The following PRKCH variants were observed in gnomAD, a reference collection of about 807,000 sequenced individuals.
PRKCH encodes protein kinase C eta.
PRKCH carries 28 observed loss-of-function variants against 82.5 expected under a neutral mutation model. The ratio of observed to expected loss-of-function variants is 0.34; its 90% CI spans 0.25 to 0.47. The LOEUF (loss-of-function observed/expected upper bound fraction) is 0.47, where lower values mean the gene tolerates loss of function less well. Among genes scored for constraint, PRKCH ranks in the 20% least tolerant of loss-of-function variants. PRKCH has a pLI of 1.00. For missense variants in PRKCH, 705 were observed against 881.8 expected, an observed-to-expected ratio of 0.80 and a Z score of 2.54; for synonymous variants, 322 against 327.4, an observed-to-expected ratio of 0.98 and a Z score of 0.18.
In PRKCH at chr14:61,280,682, C is replaced by T; in HGVS notation, c.-19+93014C>T. The T allele has an allele frequency of 6.3e-7, 1 of 1,575,118 alleles. No homozygotes were observed. On this transcript the variant is annotated intron_variant, in intron 1 of 3. Transcript: ENST00000555185. This position sits in a 1 kb window ranked among gnomAD's most constrained non-coding sequence, Gnocchi z 5.0. ...GCGCCGCAGGGCGCGATGGGCAGGC[C>T]GGCCGCGCTGCGCTGGTAGGGGGCG...
chr14:61,272,692 G>T (rs1181373239), intron 1 of PRKCH, among the ~76,000 whole-genome samples: 1 of 152,138 alleles, frequency 6.6e-6, no homozygotes, highest in African/African-American at 2.4e-5. Flanking sequence ...GCATCTTAAG[G>T]CTAAAAATGG....
rs550335083 is a variant in PRKCH, at chr14:61,330,548, G to A, written c.363+8084G>A. Among the ~76,000 whole-genome samples the A allele has an allele frequency of 1.8e-3, 268 of 152,316 alleles. 1 individual carries two copies. Among genetic ancestry groups the A allele is most frequent in the Non-Finnish European group, 3.3e-3 (224 of 68,036 alleles). ...TTGTATAGATCATAAAATAATCATA[G>A]ATGTTGAAGCAGGATGATCATCTAA... is the stretch of plus-strand genomic sequence containing the variant. On this transcript the variant is annotated intron_variant, in intron 1 of 13. Transcript: ENST00000332981.
chr14:61,407,393 A>C (rs1267083082), intron 2 of PRKCH, among the ~76,000 whole-genome samples: 1 of 152,188 alleles, frequency 6.6e-6, no homozygotes, highest in Non-Finnish European at 1.5e-5. Context: ...GAACATAACA[A>C]TGCTTGGAGG....
intron 10 of PRKCH, among the ~76,000 whole-genome samples, chr14:61,516,124 C>T (rs2042825630): frequency 6.6e-6 from 1 of 152,084 alleles, no homozygotes; most frequent in South Asian, 2.1e-4. Flanking sequence ...ATCAGACAGA[C>T]AGATGAGATG....
At chr14:61,437,474 T>C (rs1303311366) in intron 2 of PRKCH, among the ~76,000 whole-genome samples, 2 of 152,238 alleles carry the variant, frequency 1.3e-5, no homozygotes, top group Admixed American at 1.3e-4. Context: ...AAACAAATTA[T>C]CTCAGGAAGA....
chr14:61,494,182 G>A (rs1171190810), intron 10 of PRKCH, among the ~76,000 whole-genome samples: 1 of 152,154 alleles, frequency 6.6e-6, no homozygotes, highest in African/African-American at 2.4e-5. Context: ...ATAGCTATTA[G>A]TTGAGACCAC....
chr14:61,322,507 C>T lies in PRKCH; in HGVS notation c.363+43C>T, dbSNP rs757797196. On this transcript the variant is annotated intron_variant, in intron 1 of 13. Coordinates refer to ENST00000332981, the MANE Select transcript of PRKCH (RefSeq NM_006255.5). ...CTTCCCTTTGTGTCCACCCAACCCC[C>T]GTTCCCCTTATGTTTTTCAAAACTC... 5.1e-6 allele frequency: 8 copies of T among 1,557,952 alleles called. No individual in the cohort carries two copies. The East Asian group carries it at 1.6e-4, about 31-fold the overall frequency.
intron 12 of PRKCH, among the ~76,000 whole-genome samples, chr14:61,546,187 A>G (rs2043255490): frequency 2.0e-5 from 3 of 152,216 alleles, no homozygotes; most frequent in African/African-American, 7.2e-5. Context: ...TTACTTAGTG[A>G]GAGCCCAAGC....
chr14:61,334,579 C>T (rs2045829940), intron 1 of PRKCH, among the ~76,000 whole-genome samples: 1 of 152,046 alleles, frequency 6.6e-6, no homozygotes, highest in Non-Finnish European at 1.5e-5. Context: ...AAAGGCCCTA[C>T]CGTGAGAACA....
At position 61,203,327 on chromosome 14, in the gene PRKCH, G is replaced by A. The variant is rs148569931; in HGVS notation, c.-19+15659G>A. ...AAACCAGATATCCCAGGGAAGGGGT[G>A]GGGGACGTTAGGTCCCCAGTGGTCT... On this transcript the variant is annotated intron_variant, in intron 1 of 3. Transcript: ENST00000555185. Among the ~76,000 whole-genome samples the A allele has an allele frequency of 5.0e-3, 760 of 152,198 alleles. 15 individuals are homozygous for A. The highest frequency in any genetic ancestry group is 0.017 in the African/African-American group (705 of 41,500).
chr14:61,211,276 G>A (rs10444725), intron 1 of PRKCH, among the ~76,000 whole-genome samples: 94,252 of 152,048 alleles, frequency 0.62, 29,547 homozygotes, highest in South Asian at 0.69. Flanking sequence ...CAGTGACAGC[G>A]TGCACAGTGC....
intron 2 of PRKCH, among the ~76,000 whole-genome samples, chr14:61,440,219 C>T (rs939576480): frequency 3.3e-5 from 5 of 152,178 alleles, no homozygotes; most frequent in African/African-American, 4.8e-5. Flanking sequence ...TAAATGACTT[C>T]TAGAAGTATC....
chr14:61,479,236 A>C lies in PRKCH; in HGVS notation c.1279-6266A>C, dbSNP rs76949740. On this transcript the variant is annotated intron_variant, in intron 9 of 13. Transcript: ENST00000332981. ...GGCATTTCCCACGTTTACACTGCAA[A>C]AGCAGTTTCCGTTTCCTAACTCATG... is the stretch of plus-strand genomic sequence containing the variant. 0.019 allele frequency among the ~76,000 whole-genome samples: 2,932 copies of C among 152,220 alleles called. 169 individuals carry two copies. In the East Asian group the frequency reaches 0.24, roughly 12 times the overall value.
Position 61,280,020 on chromosome 14 carries a change from C to G in PRKCH, c.-19+92352C>G. 7.5e-7 allele frequency: 1 copy of G among 1,337,920 alleles called. No individual in the cohort carries two copies. The highest frequency in any genetic ancestry group is 2.5e-5 in the East Asian group (1 of 40,024). The allele number at this position is 1,337,920 out of a possible 1,614,324, so 82.9% of individuals were successfully genotyped here. On this transcript the variant is annotated intron_variant, in intron 1 of 3. Coordinates refer to the PRKCH transcript ENST00000555185. The surrounding 1 kb of genome is among the most constrained non-coding windows in gnomAD (Gnocchi z 5.0). ...GGCGAGGTTGGAATTGGGTGACGGG[C>G]GAGGAGGAGATGCCAAAAGCACCTT...
chr14:61,212,966 A>G (rs868009814), intron 1 of PRKCH, among the ~76,000 whole-genome samples: 7 of 152,196 alleles, frequency 4.6e-5, no homozygotes, highest in South Asian at 2.1e-4. Flanking sequence ...ATTTTGAGTT[A>G]GTTTTTCAGG....
At chr14:61,512,366 G>A (rs886569776) in intron 10 of PRKCH, among the ~76,000 whole-genome samples, 4 of 151,438 alleles carry the variant, frequency 2.6e-5, no homozygotes, top group African/African-American at 9.7e-5. Flanking sequence ...TCATGAGGCT[G>A]AGGTTCTGGA....
At chr14:61,477,198 A>C (rs1885767109) in intron 9 of PRKCH, 1 of 152,230 alleles carries the variant, frequency 6.6e-6, no homozygotes, top group Non-Finnish European at 1.5e-5. Flanking sequence ...ATACAGCATG[A>C]GCTTGTTATT....
intron 1 of PRKCH, among the ~76,000 whole-genome samples, chr14:61,356,583 A>T (rs1367742333): frequency 6.6e-6 from 1 of 152,160 alleles, no homozygotes; most frequent in Admixed American, 6.5e-5. Flanking sequence ...CAAGGGATTG[A>T]ACTGCAGCAG....
chr14:61,539,229 C>G (rs1431752708), intron 12 of PRKCH, among the ~76,000 whole-genome samples: 4 of 152,010 alleles, frequency 2.6e-5, no homozygotes, highest in Non-Finnish European at 5.9e-5. Context: ...AAAGAAGATA[C>G]AAGGAAGCAA....
Sources: allele counts gnomAD v4.1 joint callset (sites outside exome capture counted in the v4.1 genomes callset), GRCh38; gene constraint gnomAD v4.1.1; non-coding constraint Gnocchi (gnomAD v3.1); transcripts MANE v1.5; gene names NCBI Gene and HGNC (gene_info 2026-07-23, HGNC 2026-07-21).